Variants in EPHA7 observed in about 807,000 individuals in gnomAD.
The protein encoded by EPHA7 is EPH receptor A7.
EPHA7 carries 25 observed loss-of-function variants against 112.6 expected under a neutral mutation model. The observed-to-expected ratio is 0.22, with a 90% CI of 0.16 to 0.31. The LOEUF (loss-of-function observed/expected upper bound fraction) is 0.31, where lower values mean the gene tolerates loss of function less well. EPHA7 is among the 10% of genes least tolerant of loss of function. The probability of loss-of-function intolerance (pLI) is 1.00; values close to 1 mark genes in which losing one functional copy is unlikely to be tolerated. For missense variants in EPHA7, 962 were observed against 1,212.6 expected, an observed-to-expected ratio of 0.79 and a Z score of 3.07; for synonymous variants, 437 against 406.5, an observed-to-expected ratio of 1.07 and a Z score of -0.90.
At chr6:93,382,324 C>A (rs1168439610) in intron 3 of EPHA7, among the ~76,000 whole-genome samples, 1 of 152,048 alleles carries the variant, frequency 6.6e-6, no homozygotes, top group African/African-American at 2.4e-5. Flanking sequence ...AAGTATGTAA[C>A]CTAGGTCCCT....
At chr6:93,367,346 T>C (rs1776566135) in intron 3 of EPHA7, among the ~76,000 whole-genome samples, 1 of 152,158 alleles carries the variant, frequency 6.6e-6, no homozygotes, top group African/African-American at 2.4e-5. Flanking sequence ...GTATCATAAA[T>C]TTTGCACATC....
chr6:93,282,502 T>G (rs372469889), intron 5 of EPHA7, among the ~76,000 whole-genome samples: 11 of 152,232 alleles, frequency 7.2e-5, no homozygotes, highest in Admixed American at 5.2e-4. Context: ...CTCGCAGCCC[T>G]CACTCACTCT....
chr6:93,412,900 A>G (rs1779046334), intron 2 of EPHA7, among the ~76,000 whole-genome samples: 1 of 152,028 alleles, frequency 6.6e-6, no homozygotes, highest in Non-Finnish European at 1.5e-5. Flanking sequence ...GTATAAGAAA[A>G]ATCAATTTTA....
At chr6:93,396,642 G>A (rs1190416935) in intron 3 of EPHA7, among the ~76,000 whole-genome samples, 1 of 151,744 alleles carries the variant, frequency 6.6e-6, no homozygotes, top group African/African-American at 2.4e-5. Context: ...AGATTTACAT[G>A]TAACACATTT....
intron 7 of EPHA7, among the ~76,000 whole-genome samples, chr6:93,267,668 A>G (rs1771010204): frequency 6.6e-6 from 1 of 151,756 alleles, no homozygotes; most frequent in African/African-American, 2.4e-5. Context: ...TCCATTCTTA[A>G]CATACATTTC....
At chr6:93,370,396 C>T (rs962201660) in intron 3 of EPHA7, among the ~76,000 whole-genome samples, 2 of 152,030 alleles carry the variant, frequency 1.3e-5, no homozygotes, top group African/African-American at 4.8e-5. Context: ...ACAGTAAGTA[C>T]ACAATACTTT....
chr6:93,411,242 T>G (rs754957746), intron 2 of EPHA7, 72 bp from the exon 3 acceptor site: 2 of 1,263,900 alleles, frequency 1.6e-6, no homozygotes, highest in Admixed American at 4.1e-5. Flanking sequence ...GTGCAAGTAC[T>G]TCACAAATAC....
In EPHA7 at chr6:93,241,735, T is replaced by C. The variant is rs1769696590; in HGVS notation, c.*1691A>G. The C allele has an allele frequency of 4.5e-6, 1 of 223,016 alleles. No individual in the cohort carries two copies. Among genetic ancestry groups the C allele is most frequent in the South Asian group, 1.8e-4 (1 of 5,456 alleles). The allele number at this position is 223,016 out of a possible 1,614,324, so 13.8% of individuals were successfully genotyped here. A position where few individuals can be genotyped will look rare whatever the true frequency, so the allele number is the denominator to read the frequency against. Reference sequence around the variant, plus strand: ...CATTATGTAGCACTGAAAATACCTGTTCTTTTGTGATGCTCTGCAAGTAAA... The same window carrying C: ...CATTATGTAGCACTGAAAATACCTGCTCTTTTGTGATGCTCTGCAAGTAAA... On this transcript the variant is annotated 3_prime_UTR_variant, in exon 17 of 17. Coordinates refer to ENST00000369303, the MANE Select transcript of EPHA7 (RefSeq NM_004440.4).
chr6:93,291,913 CCA>C (rs1772402184), intron 5 of EPHA7, among the ~76,000 whole-genome samples: 2 of 151,896 alleles, frequency 1.3e-5, no homozygotes, highest in Admixed American at 6.6e-5. Flanking sequence ...AGAACTTTAG[CCA>C]CACACACATC....
At chr6:93,295,713 C>G (rs566165298) in intron 5 of EPHA7, among the ~76,000 whole-genome samples, 1 of 151,534 alleles carries the variant, frequency 6.6e-6, no homozygotes, top group East Asian at 1.9e-4. Flanking sequence ...TGTCTTTACT[C>G]TATGGAACTG....
chr6:93,416,935 C>T (rs1049981813), intron 1 of EPHA7, among the ~76,000 whole-genome samples: 1 of 152,156 alleles, frequency 6.6e-6, no homozygotes, highest in Non-Finnish European at 1.5e-5. Context: ...CGCCAAGCAT[C>T]CATTACGCCT....
chr6:93,265,465 G>C (rs1189159629), intron 7 of EPHA7, among the ~76,000 whole-genome samples: 1 of 151,606 alleles, frequency 6.6e-6, no homozygotes, highest in East Asian at 1.9e-4. Context: ...TTGGGAAGAA[G>C]TACATGTTTG....
At chr6:93,357,696 C>T (rs892915104) in intron 4 of EPHA7, among the ~76,000 whole-genome samples, 1 of 150,832 alleles carries the variant, frequency 6.6e-6, no homozygotes, top group African/African-American at 2.4e-5. Context: ...TCTTATTGTC[C>T]AAGCTGGAGT....
intron 3 of EPHA7, among the ~76,000 whole-genome samples, chr6:93,395,344 C>T (rs1351191746): frequency 6.6e-6 from 1 of 151,710 alleles, no homozygotes; most frequent in African/African-American, 2.4e-5. Flanking sequence ...AAATTTACAG[C>T]TTTTATTAGT....
intron 5 of EPHA7, among the ~76,000 whole-genome samples, chr6:93,315,161 C>T (rs550049261): frequency 8.0e-5 from 12 of 150,496 alleles, no homozygotes; most frequent in African/African-American, 2.7e-4. Flanking sequence ...CGCGCCTGGC[C>T]GACAATATAA....
chr6:93,251,275 T>A (rs1770195302), intron 14 of EPHA7, among the ~76,000 whole-genome samples: 1 of 151,906 alleles, frequency 6.6e-6, no homozygotes. Flanking sequence ...GTCTCACAAT[T>A]TAGCTGAGAA....
At chr6:93,303,875 AT>A (rs1773118438) in intron 5 of EPHA7, among the ~76,000 whole-genome samples, 1 of 151,898 alleles carries the variant, frequency 6.6e-6, no homozygotes, top group African/African-American at 2.4e-5. Flanking sequence ...TTTTTCCCCG[AT>A]TTTTCTTTGA....
chr6:93,370,244 G>T (rs1776722342), intron 3 of EPHA7, among the ~76,000 whole-genome samples: 1 of 152,106 alleles, frequency 6.6e-6, no homozygotes. Context: ...TATCATTTCA[G>T]GGTTGTTTCC....
intron 5 of EPHA7, among the ~76,000 whole-genome samples, chr6:93,345,093 A>G (rs889664065): frequency 2.2e-4 from 33 of 151,674 alleles, no homozygotes; most frequent in African/African-American, 7.7e-4. Context: ...GTCTATACAC[A>G]TAAATACATC....
Sources: gnomAD v4.1 joint callset for allele counts (sites outside exome capture counted in the v4.1 genomes callset) on GRCh38, gnomAD v4.1.1 for gene constraint, MANE v1.5 for transcripts, NCBI Gene and HGNC (gene_info 2026-07-23, HGNC 2026-07-21) for gene names.